SEMA3D: variants seen among roughly 807,000 people sequenced by gnomAD.
The protein encoded by SEMA3D is semaphorin 3D, also known as semaphorin-3D.
In SEMA3D, 84 loss-of-function variants were observed where a neutral mutation model predicts 100.1. The observed-to-expected ratio is 0.84, with a 90% CI of 0.70 to 1.01. SEMA3D has a LOEUF of 1.01. Ranked by LOEUF, SEMA3D falls within the 50% of genes least tolerant of loss-of-function variation. The pLI is 0.00. For synonymous variants in SEMA3D, 312 were observed against 320.7 expected, an observed-to-expected ratio of 0.97 and a Z score of 0.29; for missense variants, 875 against 934.1, an observed-to-expected ratio of 0.94 and a Z score of 0.82.
chr7:85,057,834 G>A (rs180862640), intron 8 of SEMA3D, among the ~76,000 whole-genome samples: 1 of 152,240 alleles, frequency 6.6e-6, no homozygotes, highest in East Asian at 1.9e-4. Flanking sequence ...GGGAGGCTGA[G>A]GCACGAGAAT....
At chr7:85,204,107 G>GA in the SEMA3D span, among the ~76,000 whole-genome samples, 245 of 148,858 alleles carry the variant, frequency 1.6e-3, no homozygotes, top group East Asian at 3.9e-3. Flanking sequence ...TAATTTATAA[G>GA]AAAAAAAAAC....
Position 85,006,828 on chromosome 7 carries a change from T to C in SEMA3D, c.1882A>G (p.Arg628Gly). The C allele has an allele frequency of 1.9e-6, 3 of 1,608,056 alleles. No individual in the cohort carries two copies. Among genetic ancestry groups the C allele is most frequent in the Non-Finnish European group, 2.6e-6 (3 of 1,176,444 alleles). Residue 628 changes from arginine (R) to glycine (G), a missense_variant, in exon 18 of 19, where the codon AGG becomes GGG. Transcript: ENST00000284136. ...TCCTCTCGATGCTCATCCCCTGACC[T>C]CTGGATATACCATTTAATAGTTGCT... Reference protein sequence around the residue: ...QQATIKWYIQRSGDEHREELK... With the variant: ...QQATIKWYIQGSGDEHREELK...
At chr7:85,220,718 T>C in the SEMA3D span, among the ~76,000 whole-genome samples, 1 of 152,106 alleles carries the variant, frequency 6.6e-6, no homozygotes, top group Admixed American at 6.6e-5. Flanking sequence ...AATACATTAC[T>C]CTTGCCTGAT....
chr7:85,157,102 C>A (rs1296478988), intron 1 of SEMA3D, among the ~76,000 whole-genome samples: 1 of 76,568 alleles, frequency 1.3e-5, no homozygotes, highest in Non-Finnish European at 2.3e-5. Flanking sequence ...CTGTTTCTGG[C>A]ACAGCCTACC....
chr7:85,049,620 C>A (rs1473073262), intron 9 of SEMA3D, among the ~76,000 whole-genome samples: 1 of 151,782 alleles, frequency 6.6e-6, no homozygotes, highest in Non-Finnish European at 1.5e-5. Flanking sequence ...GGCACTAAAT[C>A]TCTCATTTAG....
At chr7:85,218,583 T>C in the SEMA3D span, among the ~76,000 whole-genome samples, 1 of 152,106 alleles carries the variant, frequency 6.6e-6, no homozygotes, top group Non-Finnish European at 1.5e-5. Flanking sequence ...TCAGCTCTTT[T>C]TGTGTCTGTT....
At chr7:85,040,640 T>C (rs1790832887) in intron 11 of SEMA3D, 33 bp downstream of exon 11, 1 of 1,060,510 alleles carries the variant, frequency 9.4e-7, no homozygotes, top group East Asian at 2.4e-5. Context: ...TATACAATTC[T>C]CTGAAGCATT....
At chr7:85,202,009 C>T in the SEMA3D span, among the ~76,000 whole-genome samples, 1 of 151,720 alleles carries the variant, frequency 6.6e-6, no homozygotes, top group African/African-American at 2.4e-5. Context: ...CATGAGCTAT[C>T]ACACTAGTCT....
intron 3 of SEMA3D, among the ~76,000 whole-genome samples, chr7:85,115,582 T>C (rs1420829402): frequency 6.6e-6 from 1 of 152,170 alleles, no homozygotes; most frequent in East Asian, 1.9e-4. Context: ...TTTTATTCCT[T>C]GGATTTTAAT....
chr7:85,089,816 A>G (rs1242430426), intron 4 of SEMA3D, among the ~76,000 whole-genome samples: 2 of 152,136 alleles, frequency 1.3e-5, no homozygotes, highest in Non-Finnish European at 2.9e-5. Context: ...GTTTGAGCCC[A>G]AGAAGTTAAG....
chr7:85,035,293 T>C (rs1477588411), intron 12 of SEMA3D, among the ~76,000 whole-genome samples: 2 of 151,586 alleles, frequency 1.3e-5, no homozygotes, highest in Non-Finnish European at 2.9e-5. Context: ...TATGTATATA[T>C]CTATATACAG....
the SEMA3D span, among the ~76,000 whole-genome samples, chr7:85,211,090 T>C: frequency 6.6e-6 from 1 of 152,052 alleles, no homozygotes; most frequent in South Asian, 2.1e-4. Flanking sequence ...TCTCTACAGT[T>C]CCAATTTAGT....
intron 6 of SEMA3D, 91 bp from the exon 7 acceptor site, chr7:85,068,375 A>T: frequency 1.4e-6 from 1 of 719,464 alleles, no homozygotes; most frequent in South Asian, 1.6e-5. Flanking sequence ...CCAACTCATG[A>T]ATTTGATAAA....
chr7:85,192,732 T>A, the SEMA3D span, among the ~76,000 whole-genome samples: 1 of 152,186 alleles, frequency 6.6e-6, no homozygotes, highest in African/African-American at 2.4e-5. Context: ...AGTTTAGGAC[T>A]TTTAATTTCA....
chr7:85,154,384 T>C (rs1375636160), intron 1 of SEMA3D, among the ~76,000 whole-genome samples: 2 of 152,096 alleles, frequency 1.3e-5, no homozygotes, highest in Non-Finnish European at 2.9e-5. Flanking sequence ...AACATGGATG[T>C]TCCCATGGAA....
In SEMA3D at chr7:85,037,502, G is replaced by T. The variant is rs1291682042; in HGVS notation, c.1047-469C>A. ...AGTGACATTATTTACTTATTAAAAA[G>T]AATTATTTAAATATTTGAATAATAA... is the stretch of plus-strand genomic sequence containing the variant. On this transcript the variant is annotated intron_variant, in intron 11 of 18. Transcript: ENST00000284136. Among the ~76,000 whole-genome samples the T allele has an allele frequency of 2.0e-5, 3 of 152,014 alleles. 1 individual carries two copies. Among genetic ancestry groups the T allele is most frequent in the South Asian group, 4.1e-4 (2 of 4,832 alleles).
chr7:85,197,016 T>G, the SEMA3D span, among the ~76,000 whole-genome samples: 1 of 134,832 alleles, frequency 7.4e-6, no homozygotes, highest in Admixed American at 7.7e-5. Context: ...CAGATTTTTT[T>G]TTTAATTTAA....
chr7:85,207,034 A>C, the SEMA3D span, among the ~76,000 whole-genome samples: 2 of 152,228 alleles, frequency 1.3e-5, no homozygotes, highest in Admixed American at 1.3e-4. Context: ...CTATTTAAAG[A>C]GATTTATGGC....
At chr7:85,135,853 CCTT>C (rs1400106771) in intron 2 of SEMA3D, among the ~76,000 whole-genome samples, 1 of 151,276 alleles carries the variant, frequency 6.6e-6, no homozygotes, top group African/African-American at 2.4e-5. Context: ...TTCTACTTCT[CCTT>C]CTCTCTTCCT....
Sources: allele counts gnomAD v4.1 joint callset (sites outside exome capture counted in the v4.1 genomes callset), GRCh38; gene constraint gnomAD v4.1.1; transcripts MANE v1.5; gene names NCBI Gene and HGNC (gene_info 2026-07-23, HGNC 2026-07-21).